The following RALGAPA1 variants were observed in gnomAD, a reference collection of about 807,000 sequenced individuals.
The protein encoded by RALGAPA1 is ral GTPase-activating protein subunit alpha-1.
RALGAPA1 carries 52 observed loss-of-function variants against 269.6 expected under a neutral mutation model. That is an observed-to-expected ratio of 0.19 (90% CI 0.15 to 0.24). RALGAPA1 has a LOEUF of 0.24. Among genes scored for constraint, RALGAPA1 ranks in the 10% least tolerant of loss-of-function variants. RALGAPA1 has a pLI of 1.00. For missense variants in RALGAPA1, 1,917 were observed against 3,013.9 expected (o/e 0.64, Z 8.52); for synonymous variants, 817 against 1,008.3 (o/e 0.81, Z 3.60).
intron 35 of RALGAPA1, among the ~76,000 whole-genome samples, chr14:35,614,895 A>C (rs984165517): frequency 2.0e-5 from 3 of 152,130 alleles, no homozygotes; most frequent in Non-Finnish European, 2.9e-5. Context: ...ATACTATATA[A>C]ATTTAAAAGG....
rs1244022176 is a variant in RALGAPA1, at chr14:35,757,126, T to A, written c.548-218A>T. The stretch of plus-strand genomic sequence containing the variant: ...TTTATTATTATTATTATTATTTTTT[T>A]TTTTTTTTTGAGACGGAGTCTCACT... On this transcript the variant is annotated intron_variant, in intron 6 of 41. Transcript: ENST00000680220. Among the ~76,000 whole-genome samples the A allele has an allele frequency of 5.9e-3, 873 of 148,960 alleles. 9 individuals are homozygous for A. The highest frequency in any genetic ancestry group is 0.02 in the African/African-American group (812 of 40,860).
intron 16 of RALGAPA1, chr14:35,707,608 G>C (rs1035085113): frequency 1.3e-5 from 2 of 152,122 alleles, no homozygotes; most frequent in South Asian, 2.1e-4. Flanking sequence ...AATTGCATTA[G>C]GGTAATGCAG....
At chr14:35,786,562 C>T (rs1187153061) in intron 1 of RALGAPA1, among the ~76,000 whole-genome samples, 11 of 150,670 alleles carry the variant, frequency 7.3e-5, no homozygotes, top group Non-Finnish European at 1.2e-4. Context: ...GGCGTGAACC[C>T]GGGAGGCAGA....
chr14:35,801,244 GACAC>G (rs201700521), intron 1 of RALGAPA1, among the ~76,000 whole-genome samples: 6,971 of 135,014 alleles, frequency 0.052, 296 homozygotes, highest in East Asian at 0.11. Flanking sequence ...TATATACACA[GACAC>G]ACACACACAC....
chr14:35,628,014 G>A lies in RALGAPA1; in HGVS notation c.5996-63C>T, dbSNP rs1160773975. ...GCTTCCTAGGGAATCATATGACAAT[G>A]AAATATTAGACAACAAATAGGGATT... On this transcript the variant is annotated intron_variant, in intron 33 of 41. Coordinates refer to ENST00000680220, the MANE Select transcript of RALGAPA1 (RefSeq NM_001346249.2). 15 of 1,455,000 alleles carry A rather than the reference G, an allele frequency of 1.0e-5. 1 individual carries two copies. Among genetic ancestry groups the A allele is most frequent in the Non-Finnish European group, 1.4e-5 (15 of 1,082,250 alleles). The allele number at this position is 1,455,000 out of a possible 1,614,324, so 90.1% of individuals were successfully genotyped here.
chr14:35,544,313 C>G (rs1222099069), intron 41 of RALGAPA1, among the ~76,000 whole-genome samples: 1 of 152,148 alleles, frequency 6.6e-6, no homozygotes, highest in Non-Finnish European at 1.5e-5. Context: ...CAATATCTCT[C>G]TATCAACAGC....
intron 31 of RALGAPA1, among the ~76,000 whole-genome samples, chr14:35,636,608 C>T (rs1346834420): frequency 1.3e-5 from 2 of 152,198 alleles, no homozygotes; most frequent in African/African-American, 4.8e-5. Flanking sequence ...GCAACCTTCA[C>T]TTCCTGGGTT....
intron 25 of RALGAPA1, 96 bp downstream of exon 25, chr14:35,672,771 C>A: frequency 8.4e-7 from 1 of 1,197,264 alleles, no homozygotes; most frequent in Non-Finnish European, 1.1e-6. Context: ...GAGAGTTTAA[C>A]TTCTAGACCT....
chr14:35,542,150 G>T, intron 41 of RALGAPA1: 1 of 459,154 alleles, frequency 2.2e-6, no homozygotes, highest in Non-Finnish European at 3.6e-6. Flanking sequence ...TAATCACTCA[G>T]ACATAAAATC....
chr14:35,699,120 T>C (rs1222928172), intron 17 of RALGAPA1, among the ~76,000 whole-genome samples: 2 of 152,230 alleles, frequency 1.3e-5, no homozygotes, highest in African/African-American at 4.8e-5. Context: ...TTGTCATCAA[T>C]TAAAAAATCA....
At chr14:35,805,017 G>C (rs1335741438) in intron 1 of RALGAPA1, among the ~76,000 whole-genome samples, 1 of 152,106 alleles carries the variant, frequency 6.6e-6, no homozygotes, top group Non-Finnish European at 1.5e-5. Flanking sequence ...GCCAGGTGTG[G>C]TGGCTCACGC....
intron 35 of RALGAPA1, among the ~76,000 whole-genome samples, chr14:35,623,695 C>A (rs2060796309): frequency 6.6e-6 from 1 of 152,082 alleles, no homozygotes; most frequent in Admixed American, 6.6e-5. Context: ...TACGATTTGA[C>A]CTAAATAATT....
At chr14:35,804,612 A>AATAG (rs2077222031) in intron 1 of RALGAPA1, among the ~76,000 whole-genome samples, 1 of 143,458 alleles carries the variant, frequency 7.0e-6, no homozygotes, top group African/African-American at 2.7e-5. Context: ...TAAATAAATA[A>AATAG]ATAGTGAGTA....
intron 37 of RALGAPA1, among the ~76,000 whole-genome samples, chr14:35,595,385 G>C (rs2058872618): frequency 1.3e-5 from 2 of 151,960 alleles, no homozygotes. Flanking sequence ...AACATTTCAT[G>C]TTGTAAACCC....
intron 4 of RALGAPA1, among the ~76,000 whole-genome samples, chr14:35,768,539 TA>T (rs2074332725): frequency 6.6e-6 from 1 of 151,556 alleles, no homozygotes. Context: ...AAAATAATTT[TA>T]AAAAGTGAGC....
intron 1 of RALGAPA1, among the ~76,000 whole-genome samples, chr14:35,787,539 T>C (rs2075877870): frequency 6.6e-6 from 1 of 152,176 alleles, no homozygotes; most frequent in Non-Finnish European, 1.5e-5. Context: ...TTGAAATAAA[T>C]ACCAACAAGA....
chr14:35,727,153 T>C (rs1158167490), intron 13 of RALGAPA1, among the ~76,000 whole-genome samples: 1 of 151,470 alleles, frequency 6.6e-6, no homozygotes, highest in Non-Finnish European at 1.5e-5. Context: ...TAAAAAAAAT[T>C]AGGAGTACTT....
At chr14:35,600,237 T>TTTTC (rs2059210581) in intron 36 of RALGAPA1, among the ~76,000 whole-genome samples, 21 of 117,798 alleles carry the variant, frequency 1.8e-4, no homozygotes, top group African/African-American at 8.5e-4. Flanking sequence ...TTTTTCTTTT[T>TTTTC]TTTTTTTTTT....
intron 1 of RALGAPA1, among the ~76,000 whole-genome samples, chr14:35,790,684 TAAAAAAA>T (rs75409188): frequency 1.1e-5 from 1 of 92,414 alleles, no homozygotes; most frequent in Non-Finnish European, 2.4e-5. Context: ...AGAGACTGTC[TAAAAAAA>T]AAAAAAAAAA....
Sources: allele counts gnomAD v4.1 joint callset (sites outside exome capture counted in the v4.1 genomes callset), GRCh38; gene constraint gnomAD v4.1.1; transcripts MANE v1.5; gene names NCBI Gene and HGNC (gene_info 2026-07-23, HGNC 2026-07-21).